The following RNLS variants were observed in gnomAD, a reference collection of about 807,000 sequenced individuals.
The protein encoded by RNLS is renalase, FAD dependent amine oxidase.
A neutral mutation model predicts 39.8 loss-of-function variants in RNLS; 39 were observed. The ratio of observed to expected loss-of-function variants is 0.98; its 90% CI spans 0.76 to 1.28. The LOEUF (loss-of-function observed/expected upper bound fraction) is 1.28. RNLS is among the 50% of genes most tolerant of loss of function. RNLS has a pLI of 0.00. For synonymous variants in RNLS, 147 were observed against 150.7 expected (o/e 0.98, Z 0.18); for missense variants, 410 against 413.3 (o/e 0.99, Z 0.07).
chr10:88,215,564 A>C, the RNLS span, among the ~76,000 whole-genome samples: 1 of 152,138 alleles, frequency 6.6e-6, no homozygotes, highest in Non-Finnish European at 1.5e-5. Flanking sequence ...ATTGTAAATA[A>C]TGTGTCCATG....
the RNLS span, among the ~76,000 whole-genome samples, chr10:88,235,267 CA>C: frequency 0.076 from 4,687 of 61,726 alleles, 43 homozygotes; most frequent in East Asian, 0.17. Flanking sequence ...GACTCTATCT[CA>C]AAAAAAAAAA....
At chr10:88,457,466 C>T (rs1188627414) in intron 4 of RNLS, among the ~76,000 whole-genome samples, 1 of 152,166 alleles carries the variant, frequency 6.6e-6, no homozygotes, top group Non-Finnish European at 1.5e-5. Context: ...CATTTGCCAC[C>T]TCAACTGCAT....
chr10:88,289,011 C>A (rs1843484745), intron 6 of RNLS, among the ~76,000 whole-genome samples: 1 of 152,142 alleles, frequency 6.6e-6, no homozygotes, highest in Admixed American at 6.6e-5. Flanking sequence ...GATGTCAGGG[C>A]TGAAACAACC....
chr10:88,446,077 C>T (rs1013143082), intron 4 of RNLS, among the ~76,000 whole-genome samples: 1 of 152,156 alleles, frequency 6.6e-6, no homozygotes, highest in Non-Finnish European at 1.5e-5. Flanking sequence ...AAGCACTCCT[C>T]AGCAGATGTA....
intron 4 of RNLS, among the ~76,000 whole-genome samples, chr10:88,455,580 G>A (rs1440696705): frequency 6.6e-6 from 1 of 151,966 alleles, no homozygotes; most frequent in Non-Finnish European, 1.5e-5. Context: ...CTAATTTTTT[G>A]TATTTTTAGT....
intron 4 of RNLS, among the ~76,000 whole-genome samples, chr10:88,371,761 T>C (rs1850574157): frequency 6.6e-6 from 1 of 152,166 alleles, no homozygotes; most frequent in Non-Finnish European, 1.5e-5. Flanking sequence ...GTTTTTACAC[T>C]CGTGTTTATG....
At chr10:88,197,568 T>A in the RNLS span, among the ~76,000 whole-genome samples, 1 of 152,218 alleles carries the variant, frequency 6.6e-6, no homozygotes, top group South Asian at 2.1e-4. Flanking sequence ...TCTAACTAGA[T>A]TCAAACACTA....
At chr10:88,569,979 G>GC (rs1436281636) in intron 4 of RNLS, among the ~76,000 whole-genome samples, 3 of 152,078 alleles carry the variant, frequency 2.0e-5, no homozygotes, top group Non-Finnish European at 4.4e-5. Context: ...AAAACTCTAG[G>GC]CCTAAATGGT....
chr10:88,459,437 A>G lies in RNLS; in HGVS notation c.527-96712T>C, dbSNP rs796237654. Among the ~76,000 whole-genome samples the G allele has an allele frequency of 9.2e-5, 14 of 152,266 alleles. 1 individual carries two copies. The highest frequency in any genetic ancestry group is 3.1e-4 in the African/African-American group (13 of 41,554). On this transcript the variant is annotated intron_variant, in intron 4 of 6. Coordinates refer to ENST00000331772, the MANE Select transcript of RNLS (RefSeq NM_001031709.3). Reference sequence around the variant, plus strand: ...TGGGGCTGAGAAAGAGAGTAAATTCATTAATGCTAAGCCTATACAAAGCAG... The same window carrying G: ...TGGGGCTGAGAAAGAGAGTAAATTCGTTAATGCTAAGCCTATACAAAGCAG...
intron 4 of RNLS, among the ~76,000 whole-genome samples, chr10:88,425,739 C>G (rs906880958): frequency 4.0e-5 from 6 of 151,880 alleles, no homozygotes; most frequent in Admixed American, 3.9e-4. Context: ...ACATCAGCTG[C>G]TATAGAAGGT....
the RNLS span, among the ~76,000 whole-genome samples, chr10:88,199,849 T>G: frequency 6.6e-6 from 1 of 152,130 alleles, no homozygotes; most frequent in African/African-American, 2.4e-5. Context: ...TTCCCTTCCC[T>G]GACGAGTGGT....
At chr10:88,380,337 C>A (rs1486439946) in intron 4 of RNLS, among the ~76,000 whole-genome samples, 1 of 128,146 alleles carries the variant, frequency 7.8e-6, no homozygotes, top group Non-Finnish European at 1.7e-5. Flanking sequence ...TCATTGTTTT[C>A]ATTTTTTAGT....
intron 4 of RNLS, among the ~76,000 whole-genome samples, chr10:88,424,959 C>G (rs1854646096): frequency 6.6e-6 from 1 of 152,118 alleles, no homozygotes; most frequent in African/African-American, 2.4e-5. Flanking sequence ...AAATATGTAA[C>G]AAGAACTTAC....
Position 88,425,204 on chromosome 10 carries a change from A to G in RNLS, c.527-62479T>C, listed in dbSNP as rs116475920. Among the ~76,000 whole-genome samples the G allele has an allele frequency of 3.0e-3, 458 of 152,248 alleles. 5 individuals carry two copies. The highest frequency in any genetic ancestry group is 0.01 in the African/African-American group (434 of 41,574). ...CACGCTTCATCAGAACAGATGGCAG[A>G]GATGCATTAGTTGTCTCGTTTTGTT... is the stretch of plus-strand genomic sequence containing the variant. On this transcript the variant is annotated intron_variant, in intron 4 of 6. Transcript: ENST00000331772.
chr10:88,445,050 G>A (rs761934473), intron 4 of RNLS, among the ~76,000 whole-genome samples: 11 of 152,168 alleles, frequency 7.2e-5, no homozygotes, highest in Non-Finnish European at 1.5e-4. Context: ...CCGAAAAAAT[G>A]TTAAGGGCAG....
At chr10:88,187,785 A>G in the RNLS span, among the ~76,000 whole-genome samples, 2 of 152,222 alleles carry the variant, frequency 1.3e-5, no homozygotes, top group African/African-American at 2.4e-5. Context: ...GGGAACTTGA[A>G]TAATTATGAA....
In RNLS at chr10:88,284,915, T is replaced by G; in HGVS notation, c.*439A>C. On this transcript the variant is annotated 3_prime_UTR_variant, in exon 7 of 7. Coordinates refer to ENST00000331772, the MANE Select transcript of RNLS (RefSeq NM_001031709.3). The stretch of plus-strand genomic sequence containing the variant: ...CATTTTGGAAAAATCTTGTTTTGTA[T>G]AATTTGCAAAAATATTGATTCAAGG... 2.1e-5 allele frequency: 21 copies of G among 985,844 alleles called. No individual in the cohort carries two copies. Among genetic ancestry groups the G allele is most frequent in the Non-Finnish European group, 2.5e-5 (21 of 830,202 alleles). The allele number at this position is 985,844 out of a possible 1,614,324, so 61.1% of individuals were successfully genotyped here.
At chr10:88,421,693 T>C (rs993835880) in intron 4 of RNLS, among the ~76,000 whole-genome samples, 1 of 152,182 alleles carries the variant, frequency 6.6e-6, no homozygotes, top group Non-Finnish European at 1.5e-5. Flanking sequence ...AAACCTCCGA[T>C]GGCTGTCTTA....
chr10:88,354,687 T>C (rs988525142), intron 5 of RNLS, among the ~76,000 whole-genome samples: 3 of 152,328 alleles, frequency 2.0e-5, no homozygotes, highest in East Asian at 3.9e-4. Flanking sequence ...CTGACAATTA[T>C]GTGTCTTGGA....
Sources: gnomAD v4.1 joint callset for allele counts (sites outside exome capture counted in the v4.1 genomes callset) on GRCh38, gnomAD v4.1.1 for gene constraint, MANE v1.5 for transcripts, NCBI Gene and HGNC (gene_info 2026-07-23, HGNC 2026-07-21) for gene names.